FERMT2: variants seen among roughly 807,000 people sequenced by gnomAD.
FERMT2 encodes FERM domain containing kindlin 2.
In FERMT2, 15 loss-of-function variants were observed where a neutral mutation model predicts 82.7. The observed-to-expected ratio is 0.18, with a 90% CI of 0.12 to 0.28. The LOEUF is 0.28. Ranked by LOEUF, FERMT2 falls within the 10% of genes least tolerant of loss-of-function variation. FERMT2 has a pLI of 1.00. For missense variants in FERMT2, 645 were observed against 809.4 expected, an observed-to-expected ratio of 0.80 and a Z score of 2.46; for synonymous variants, 274 against 271.5, an observed-to-expected ratio of 1.01 and a Z score of -0.09.
At chr14:52,862,722 G>A (rs1237846028) in intron 12 of FERMT2, 2 of 152,142 alleles carry the variant, frequency 1.3e-5, no homozygotes, top group African/African-American at 4.8e-5. Flanking sequence ...TCTAGTGAGA[G>A]AAAGGAGGGT....
At chr14:52,908,850 T>C (rs1047967181) in intron 3 of FERMT2, among the ~76,000 whole-genome samples, 4 of 152,200 alleles carry the variant, frequency 2.6e-5, no homozygotes, top group African/African-American at 7.2e-5. Flanking sequence ...AAAAATTTCA[T>C]TTTTTATTTC....
At chr14:52,874,742 T>C (rs893917703) in intron 8 of FERMT2, among the ~76,000 whole-genome samples, 2 of 152,204 alleles carry the variant, frequency 1.3e-5, no homozygotes, top group African/African-American at 4.8e-5. Flanking sequence ...TGCAGAGTAT[T>C]AGAGTATTAG....
At chr14:52,927,759 A>T (rs1164013884) in intron 2 of FERMT2, among the ~76,000 whole-genome samples, 1 of 152,108 alleles carries the variant, frequency 6.6e-6, no homozygotes, top group Non-Finnish European at 1.5e-5. Context: ...CGAGAGCTGG[A>T]GCCTATGCCT....
At chr14:52,876,145 G>A (rs1885947510) in intron 7 of FERMT2, among the ~76,000 whole-genome samples, 1 of 152,172 alleles carries the variant, frequency 6.6e-6, no homozygotes, top group South Asian at 2.1e-4. Flanking sequence ...CACTCCAAAT[G>A]TCTAAAGTAT....
intron 3 of FERMT2, among the ~76,000 whole-genome samples, chr14:52,909,427 C>G (rs761868736): frequency 8.5e-5 from 13 of 152,146 alleles, no homozygotes; most frequent in Non-Finnish European, 1.9e-4. Context: ...TTCCAGCAAC[C>G]ACTTCATTTT....
At chr14:52,933,965 C>A (rs1436986743) in intron 2 of FERMT2, among the ~76,000 whole-genome samples, 2 of 152,012 alleles carry the variant, frequency 1.3e-5, no homozygotes, top group Admixed American at 1.3e-4. Context: ...AAATCATGCA[C>A]CAGTACCAGC....
chr14:52,893,257 TCTTA>T (rs1594957237), intron 4 of FERMT2, 32 bp downstream of exon 4: 2 of 1,567,578 alleles, frequency 1.3e-6, no homozygotes, highest in Non-Finnish European at 1.7e-6. Context: ...AGTCCACAGT[TCTTA>T]CTTTGAGTCC....
At chr14:52,892,067 G>T (rs1002749169) in intron 4 of FERMT2, among the ~76,000 whole-genome samples, 2 of 151,920 alleles carry the variant, frequency 1.3e-5, no homozygotes, top group Non-Finnish European at 2.9e-5. Flanking sequence ...TAATGAAAGG[G>T]AATCTAAGAA....
intron 3 of FERMT2, among the ~76,000 whole-genome samples, chr14:52,902,438 T>C (rs1189768599): frequency 1.3e-5 from 2 of 151,894 alleles, no homozygotes; most frequent in Non-Finnish European, 2.9e-5. Flanking sequence ...TAAGAGACTT[T>C]AGATATTAAC....
intron 2 of FERMT2, among the ~76,000 whole-genome samples, chr14:52,925,016 G>A (rs994417435): frequency 6.6e-6 from 1 of 152,080 alleles, no homozygotes; most frequent in African/African-American, 2.4e-5. Flanking sequence ...CCAACTTCCA[G>A]AAAATTAGCT....
Position 52,950,463 on chromosome 14 carries a change from T to C in FERMT2, c.106A>G (p.Thr36Ala). ...DLNRDVTLRV[T>A]GEVHIGGVML... The stretch of plus-strand genomic sequence containing the variant: ...ACGCCTCCAATGTGCACCTCGCCGG[T>C]CACTCTCAGGGTGACATCGCGGTTC... Residue 36 changes from threonine (T) to alanine (A), a missense_variant, in exon 2 of 15, where the codon ACC becomes GCC. Physicochemically the swap from Thr to Ala is moderately conservative, Grantham distance 58 (BLOSUM62 0). Coordinates refer to ENST00000341590, the MANE Select transcript of FERMT2 (RefSeq NM_006832.3). 6.2e-7 allele frequency: 1 copy of C among 1,613,964 alleles called. No individual in the cohort carries two copies. The highest frequency in any genetic ancestry group is 8.5e-7 in the Non-Finnish European group (1 of 1,179,988).
rs1887455595 is a variant in FERMT2 at position 52,898,881 on chromosome 14, G to A, written c.392-5454C>T. On this transcript the variant is annotated intron_variant, in intron 3 of 14. Coordinates refer to ENST00000341590, the MANE Select transcript of FERMT2 (RefSeq NM_006832.3). Reference sequence around the variant, plus strand: ...ATATGCTTCTAACAAAGTCACCACAGGCACTATTTAGTGGGAGACAGTAAG... The same window carrying A: ...ATATGCTTCTAACAAAGTCACCACAAGCACTATTTAGTGGGAGACAGTAAG... Among the ~76,000 whole-genome samples, 6 of 152,314 alleles carry A rather than the reference G, an allele frequency of 3.9e-5. 1 individual carries two copies. The South Asian group carries it at 1.2e-3, about 32-fold the overall frequency.
At chr14:52,942,319 T>C (rs1025002001) in intron 2 of FERMT2, among the ~76,000 whole-genome samples, 1 of 151,082 alleles carries the variant, frequency 6.6e-6, no homozygotes, top group Non-Finnish European at 1.5e-5. Context: ...TTTTTTTTTT[T>C]TGAGATGGAG....
chr14:52,934,629 T>C (rs1006737744), intron 2 of FERMT2, among the ~76,000 whole-genome samples: 25 of 152,220 alleles, frequency 1.6e-4, no homozygotes, highest in African/African-American at 1.2e-4. Flanking sequence ...ACTTGTATCA[T>C]GTATGTAAGT....
At chr14:52,924,737 AATAG>A (rs1889153880) in intron 2 of FERMT2, among the ~76,000 whole-genome samples, 1 of 152,222 alleles carries the variant, frequency 6.6e-6, no homozygotes, top group Non-Finnish European at 1.5e-5. Context: ...AATAGCGATC[AATAG>A]ATAGAATAAT....
At chr14:52,890,850 A>G (rs1473777749) in intron 4 of FERMT2, among the ~76,000 whole-genome samples, 1 of 151,944 alleles carries the variant, frequency 6.6e-6, no homozygotes, top group East Asian at 1.9e-4. Context: ...TGATCCACCC[A>G]CCTCAGCCTC....
In FERMT2 at chr14:52,942,016, T is replaced by A. The variant is rs1890108429; in HGVS notation, c.157+8396A>T. 2.0e-5 allele frequency among the ~76,000 whole-genome samples: 3 copies of A among 152,148 alleles called. No individual in the cohort carries two copies. The South Asian group carries it at 6.2e-4, about 32-fold the overall frequency. On this transcript the variant is annotated intron_variant, in intron 2 of 14. Transcript: ENST00000341590. ...AATGACAGCTATTTTTTCTTGTTGT[T>A]TAGAGGGTGGGAACAGAAAGCAATC...
At chr14:52,891,317 A>G (rs1443496360) in intron 4 of FERMT2, among the ~76,000 whole-genome samples, 2 of 152,214 alleles carry the variant, frequency 1.3e-5, no homozygotes, top group African/African-American at 2.4e-5. Context: ...TCTGAATTTC[A>G]AAAACACTAT....
At chr14:52,864,118 T>G (rs149172765) in intron 12 of FERMT2, among the ~76,000 whole-genome samples, 3 of 152,322 alleles carry the variant, frequency 2.0e-5, no homozygotes, top group African/African-American at 7.2e-5. Flanking sequence ...CAGATTTTTT[T>G]GGATTTTGGA....
Sources: gnomAD v4.1 joint callset for allele counts (sites outside exome capture counted in the v4.1 genomes callset) on GRCh38, gnomAD v4.1.1 for gene constraint, MANE v1.5 for transcripts, NCBI Gene and HGNC (gene_info 2026-07-23, HGNC 2026-07-21) for gene names.